The following FRAS1 variants were observed in gnomAD, a reference collection of about 807,000 sequenced individuals.
The protein encoded by FRAS1 is Fraser extracellular matrix complex subunit 1, also known as extracellular matrix organizing protein FRAS1.
Under a neutral mutation model 435.2 loss-of-function variants are expected in FRAS1, and 290 were observed. The observed-to-expected ratio is 0.67, with a 90% CI of 0.61 to 0.73. The LOEUF (loss-of-function observed/expected upper bound fraction) is 0.73. Ranked by LOEUF, FRAS1 falls within the 30% of genes least tolerant of loss-of-function variation. The pLI, the probability that FRAS1 is intolerant of heterozygous loss-of-function variation, is 0.00. For synonymous variants in FRAS1, 1,800 were observed against 1,851.0 expected (o/e 0.97, Z 0.71); for missense variants, 4,860 against 5,001.5 (o/e 0.97, Z 0.85).
intron 2 of FRAS1, among the ~76,000 whole-genome samples, chr4:78,143,614 A>T (rs910255104): frequency 6.6e-6 from 1 of 152,052 alleles, no homozygotes; most frequent in African/African-American, 2.4e-5. Flanking sequence ...ATTTAACTCT[A>T]GCTAGGTTCA....
At chr4:78,537,806 C>T (rs1177297860) in intron 72 of FRAS1, among the ~76,000 whole-genome samples, 1 of 151,948 alleles carries the variant, frequency 6.6e-6, no homozygotes, top group African/African-American at 2.4e-5. Flanking sequence ...ATTAGCTGGG[C>T]TTGGTGGCAT....
At chr4:78,407,974 A>G (rs1365670406) in intron 31 of FRAS1, 133 bp downstream of exon 31, 2 of 749,524 alleles carry the variant, frequency 2.7e-6, no homozygotes, top group Admixed American at 3.1e-5. Context: ...GTTCATTTTC[A>G]TGCTACTGAT....
In FRAS1 at chr4:78,448,336, GA is replaced by G. The variant is rs1366492512; in HGVS notation, c.6274+21del. On this transcript the variant is annotated intron_variant, in intron 44 of 73. Transcript: ENST00000512123. ...CAGCAGGTACCACAGAAATAAAGGA[GA>G]GTGGCCATGGTTTTTCTATCCTTAT... is the stretch of plus-strand genomic sequence containing the variant. 5 of 1,573,242 alleles carry G rather than the reference GA, an allele frequency of 3.2e-6. No homozygotes were observed. Among genetic ancestry groups the G allele is most frequent in the Non-Finnish European group, 4.3e-6 (5 of 1,158,506 alleles).
chr4:78,276,094 C>T (rs560585878), intron 9 of FRAS1, among the ~76,000 whole-genome samples: 20 of 152,304 alleles, frequency 1.3e-4, no homozygotes, highest in South Asian at 1.2e-3. Context: ...CTCTTTCTTC[C>T]AGTTGATCAA....
intron 2 of FRAS1, among the ~76,000 whole-genome samples, chr4:78,120,778 A>G (rs56875091): frequency 0.021 from 3,200 of 152,302 alleles, 108 homozygotes; most frequent in African/African-American, 0.072. Context: ...CTTAAGCCCA[A>G]TTCCTAGGCT....
At chr4:78,410,417 A>T (rs2110356831) in intron 31 of FRAS1, among the ~76,000 whole-genome samples, 1 of 150,098 alleles carries the variant, frequency 6.7e-6, no homozygotes, top group African/African-American at 2.4e-5. Flanking sequence ...AAATAAAAAT[A>T]AATAAATAAA....
At chr4:78,487,314 T>C (rs1720200858) in intron 58 of FRAS1, among the ~76,000 whole-genome samples, 1 of 152,196 alleles carries the variant, frequency 6.6e-6, no homozygotes. Context: ...GTTTTATTTT[T>C]GCCATGGCCA....
intron 29 of FRAS1, among the ~76,000 whole-genome samples, chr4:78,388,854 A>G (rs1732333512): frequency 6.6e-6 from 1 of 152,288 alleles, no homozygotes; most frequent in East Asian, 1.9e-4. Context: ...AGTCATTGAC[A>G]TGCCACCTTT....
chr4:78,466,178 C>A, intron 49 of FRAS1, 30 bp from the exon 50 acceptor site: 2 of 1,595,818 alleles, frequency 1.3e-6, no homozygotes, highest in South Asian at 2.2e-5. Flanking sequence ...ATGAGCTTCC[C>A]TCCCCTCTGG....
intron 4 of FRAS1, among the ~76,000 whole-genome samples, chr4:78,248,070 G>T (rs1374199723): frequency 6.6e-6 from 1 of 152,182 alleles, no homozygotes; most frequent in African/African-American, 2.4e-5. Flanking sequence ...AGAGGTGGCA[G>T]CGTCTTATAC....
At chr4:78,327,291 A>G (rs1729756315) in intron 18 of FRAS1, among the ~76,000 whole-genome samples, 1 of 152,166 alleles carries the variant, frequency 6.6e-6, no homozygotes, top group African/African-American at 2.4e-5. Context: ...AGCCCTTATC[A>G]CCGTACTCCC....
chr4:78,133,584 C>T (rs1374806146), intron 2 of FRAS1, among the ~76,000 whole-genome samples: 1 of 152,098 alleles, frequency 6.6e-6, no homozygotes, highest in African/African-American at 2.4e-5. Context: ...ATTTTCCATG[C>T]TGTGATTATT....
chr4:78,272,992 T>G (rs1430169703), intron 9 of FRAS1, among the ~76,000 whole-genome samples: 1 of 152,080 alleles, frequency 6.6e-6, no homozygotes, highest in Non-Finnish European at 1.5e-5. Context: ...ATTTCATCGA[T>G]CAGTGGTTTG....
chr4:78,102,131 A>T (rs1017146872), intron 2 of FRAS1, among the ~76,000 whole-genome samples: 3 of 151,160 alleles, frequency 2.0e-5, no homozygotes, highest in South Asian at 2.1e-4. Context: ...ATTTTTTTTT[A>T]AAAGGAAACA....
intron 47 of FRAS1, among the ~76,000 whole-genome samples, chr4:78,459,573 G>A (rs140589272): frequency 6.6e-6 from 1 of 152,322 alleles, no homozygotes; most frequent in East Asian, 1.9e-4. Context: ...TTTCAGTATT[G>A]TGAGACCAAC....
chr4:78,300,806 G>C (rs1414472289), intron 14 of FRAS1, among the ~76,000 whole-genome samples: 2 of 152,016 alleles, frequency 1.3e-5, no homozygotes, highest in Non-Finnish European at 2.9e-5. Context: ...AGCCACAGGG[G>C]CAGCCCTCAG....
chr4:78,234,175 T>A (rs922194468), intron 2 of FRAS1, among the ~76,000 whole-genome samples: 2 of 152,202 alleles, frequency 1.3e-5, no homozygotes, highest in Non-Finnish European at 2.9e-5. Context: ...CGTACTACAT[T>A]GTGCTTGGGA....
intron 2 of FRAS1, among the ~76,000 whole-genome samples, chr4:78,169,413 G>A (rs752628477): frequency 2.0e-5 from 3 of 151,978 alleles, no homozygotes; most frequent in African/African-American, 7.2e-5. Context: ...CGACTCTGCC[G>A]CTTACCTGGT....
At chr4:78,510,777 C>G (rs559192705) in intron 63 of FRAS1, among the ~76,000 whole-genome samples, 6 of 152,226 alleles carry the variant, frequency 3.9e-5, no homozygotes, top group Middle Eastern at 6.8e-3. Context: ...TTATTATAAC[C>G]CTTGCAGTGT....
Sources: gnomAD v4.1 joint callset for allele counts (sites outside exome capture counted in the v4.1 genomes callset) on GRCh38, gnomAD v4.1.1 for gene constraint, MANE v1.5 for transcripts, NCBI Gene and HGNC (gene_info 2026-07-23, HGNC 2026-07-21) for gene names.